PAX7: variants seen among roughly 807,000 people sequenced by gnomAD.
PAX7 encodes paired box protein Pax-7.
Under a neutral mutation model 50.7 loss-of-function variants are expected in PAX7, and 18 were observed. The observed-to-expected ratio is 0.36, with a 90% CI of 0.25 to 0.53. The LOEUF (loss-of-function observed/expected upper bound fraction) is 0.53, where lower values mean the gene tolerates loss of function less well. Ranked by LOEUF, PAX7 falls within the 20% of genes least tolerant of loss-of-function variation. The probability of loss-of-function intolerance (pLI) is 0.93; values close to 1 mark genes in which losing one functional copy is unlikely to be tolerated. For synonymous variants in PAX7, 310 were observed against 290.4 expected, an observed-to-expected ratio of 1.07 and a Z score of -0.69; for missense variants, 644 against 702.9, an observed-to-expected ratio of 0.92 and a Z score of 0.95.
In PAX7 at chr1:18,700,591, G is replaced by A; in HGVS notation, c.787-62G>A. 7.0e-7 allele frequency: 1 copy of A among 1,436,000 alleles called. No homozygotes were observed. The highest frequency in any genetic ancestry group is 9.2e-7 in the Non-Finnish European group (1 of 1,083,554). 89.0% of individuals were successfully genotyped at this position (1,436,000 alleles called of 1,614,324 possible). On this transcript the variant is annotated intron_variant, in intron 5 of 8. Coordinates refer to ENST00000420770, the MANE Select transcript of PAX7 (RefSeq NM_001135254.2). This position sits in a 1 kb window ranked among gnomAD's most constrained non-coding sequence, Gnocchi z 4.8. ...GGCTTGGGCAACTGGGTCTACATGTGTTGCAGCTCTCTGCCAGGAACCTGG... is the reference window on the plus strand; with the variant it reads ...GGCTTGGGCAACTGGGTCTACATGTATTGCAGCTCTCTGCCAGGAACCTGG...
Position 18,703,097 on chromosome 1 carries a change from G to C in PAX7, c.956G>C (p.Gly319Ala). The change falls in exon 7 of 9, where the codon GGG becomes GCG. Residue 319 changes from glycine to alanine, a missense_variant. By Grantham distance (60) the Gly-to-Ala change is moderately conservative (BLOSUM62 0). Transcript: ENST00000420770. ...CCTCTCTTGGGTCTCTCTACAGATG[G>C]GGGCAGCACTGTGCACCGGCCTCAG... ...TYPTTTISQD[G>A]GSTVHRPQPL... 1 of 1,613,238 alleles carries C rather than the reference G, an allele frequency of 6.2e-7. No homozygotes were observed. Among genetic ancestry groups the C allele is most frequent in the Non-Finnish European group, 8.5e-7 (1 of 1,179,530 alleles).
intron 4 of PAX7, among the ~76,000 whole-genome samples, chr1:18,651,512 C>G (rs534345921): frequency 6.6e-6 from 1 of 152,298 alleles, no homozygotes; most frequent in South Asian, 2.1e-4. Flanking sequence ...ATACGTCTCT[C>G]TATCTAGATC....
intron 4 of PAX7, among the ~76,000 whole-genome samples, chr1:18,673,727 T>A (rs1374592848): frequency 6.6e-6 from 1 of 152,204 alleles, no homozygotes; most frequent in East Asian, 1.9e-4. Context: ...TCCAAAGATG[T>A]CCGACCCTTT....
At chr1:18,729,791 T>G (rs1437445532) in intron 7 of PAX7, among the ~76,000 whole-genome samples, 1 of 152,096 alleles carries the variant, frequency 6.6e-6, no homozygotes, top group East Asian at 1.9e-4. Flanking sequence ...CAGAGTGGGG[T>G]GCAACTTGTC....
intron 4 of PAX7, among the ~76,000 whole-genome samples, chr1:18,646,517 G>C (rs1046914640): frequency 6.6e-6 from 1 of 152,150 alleles, no homozygotes; most frequent in African/African-American, 2.4e-5. Flanking sequence ...CCGGGAAAGC[G>C]GTTTGGAAAC....
intron 8 of PAX7, among the ~76,000 whole-genome samples, chr1:18,737,691 A>G (rs755017450): frequency 6.6e-6 from 1 of 152,280 alleles, no homozygotes; most frequent in Non-Finnish European, 1.5e-5. Flanking sequence ...TTGTGCATAC[A>G]TGATGTGCAC....
intron 7 of PAX7, among the ~76,000 whole-genome samples, chr1:18,708,674 T>G (rs925338745): frequency 6.6e-6 from 1 of 152,086 alleles, no homozygotes; most frequent in Non-Finnish European, 1.5e-5. Context: ...AGCCCCTGTC[T>G]AGGAATCCCA....
intron 6 of PAX7, among the ~76,000 whole-genome samples, chr1:18,701,153 GGAGCATGGACCAGGCTTT>G (rs1382626412): frequency 6.6e-6 from 1 of 152,214 alleles, no homozygotes; most frequent in Non-Finnish European, 1.5e-5. Flanking sequence ...CCAAGCTGGT[GGAGCATGGACCAGGCTTT>G]GAGCAGCGAG....
intron 4 of PAX7, among the ~76,000 whole-genome samples, chr1:18,648,210 C>T (rs921356816): frequency 1.3e-5 from 2 of 152,086 alleles, no homozygotes; most frequent in Admixed American, 6.6e-5. Flanking sequence ...AGTCACCTCC[C>T]CTCCCCAACC....
intron 7 of PAX7, among the ~76,000 whole-genome samples, chr1:18,734,820 G>A (rs1264802821): frequency 6.6e-6 from 1 of 152,136 alleles, no homozygotes; most frequent in East Asian, 1.9e-4. Flanking sequence ...TCAGCCTGGG[G>A]CCAGAGTCAC....
intron 7 of PAX7, among the ~76,000 whole-genome samples, chr1:18,717,158 T>C (rs1053090618): frequency 6.6e-6 from 1 of 152,146 alleles, no homozygotes; most frequent in Non-Finnish European, 1.5e-5. Context: ...CTCCCCGAGA[T>C]AAGGACGCCC....
intron 4 of PAX7, among the ~76,000 whole-genome samples, chr1:18,662,512 C>T (rs1335085459): frequency 6.6e-6 from 1 of 152,170 alleles, no homozygotes; most frequent in African/African-American, 2.4e-5. Flanking sequence ...GAAAAGAAAG[C>T]TGGTTTCTCA....
At chr1:18,671,967 AC>A (rs1350628946) in intron 4 of PAX7, among the ~76,000 whole-genome samples, 2 of 151,388 alleles carry the variant, frequency 1.3e-5, no homozygotes, top group Admixed American at 1.3e-4. Flanking sequence ...ACAGAACAAG[AC>A]CCTGTCTCTT....
At chr1:18,643,702 C>G (rs536598582) in intron 4 of PAX7, among the ~76,000 whole-genome samples, 1 of 152,332 alleles carries the variant, frequency 6.6e-6, no homozygotes, top group Admixed American at 6.5e-5. Flanking sequence ...TTTGATCCTT[C>G]GTGGCTTCGC....
At position 18,692,411 on chromosome 1, in the gene PAX7, G is replaced by A. The variant is rs924806142; in HGVS notation, c.786+458G>A. Among the ~76,000 whole-genome samples, 11 of 152,106 alleles carry A rather than the reference G, an allele frequency of 7.2e-5. No individual in the cohort carries two copies. The South Asian group carries it at 8.3e-4, about 11-fold the overall frequency. Reference sequence around the variant, plus strand: ...ACAAAAATTAGCTGGGCTTGGTGACGGGCACCCGTAATCCCAGCTACTCGG... The same window carrying A: ...ACAAAAATTAGCTGGGCTTGGTGACAGGCACCCGTAATCCCAGCTACTCGG... On this transcript the variant is annotated intron_variant, in intron 5 of 8. Coordinates refer to ENST00000420770, the MANE Select transcript of PAX7 (RefSeq NM_001135254.2).
rs934310824 is a variant in PAX7 at position 18,747,370 on chromosome 1, T to C, written c.*2441T>C. On this transcript the variant is annotated 3_prime_UTR_variant, in exon 9 of 9. Coordinates refer to ENST00000420770, the MANE Select transcript of PAX7 (RefSeq NM_001135254.2). ...GAACATAAGTTCTCCCAAGCCATCA[T>C]CTTGGTAGAAAATGGGACTTATTCC... 1.3e-5 allele frequency: 3 copies of C among 228,640 alleles called. No homozygotes were observed. The highest frequency in any genetic ancestry group is 6.7e-5 in the African/African-American group (3 of 45,080). The allele number at this position is 228,640 out of a possible 1,614,324, so 14.2% of individuals were successfully genotyped here. A position where few individuals can be genotyped will look rare whatever the true frequency, so the allele number is the denominator to read the frequency against.
intron 8 of PAX7, 187 bp downstream of exon 8, chr1:18,736,065 A>G (rs1305220520): frequency 8.7e-7 from 1 of 1,145,696 alleles, no homozygotes; most frequent in South Asian, 1.4e-5. Flanking sequence ...GGCAAAACCC[A>G]GGACATCTCC....
At chr1:18,646,295 G>T (rs924923845) in intron 4 of PAX7, among the ~76,000 whole-genome samples, 5 of 152,114 alleles carry the variant, frequency 3.3e-5, no homozygotes, top group African/African-American at 1.2e-4. Flanking sequence ...TTTTTCTCTG[G>T]TGGCCTGGTG....
intron 4 of PAX7, among the ~76,000 whole-genome samples, chr1:18,642,598 C>T (rs1280285743): frequency 6.6e-6 from 1 of 152,150 alleles, no homozygotes; most frequent in Admixed American, 6.5e-5. Context: ...GATTAGGATG[C>T]CCCCCTCAGT....
Sources: gnomAD v4.1 joint callset for allele counts (sites outside exome capture counted in the v4.1 genomes callset) on GRCh38, gnomAD v4.1.1 for gene constraint, Gnocchi (gnomAD v3.1) non-coding constraint, MANE v1.5 for transcripts, NCBI Gene and HGNC (gene_info 2026-07-23, HGNC 2026-07-21) for gene names.